The following TANGO6 variants were observed in gnomAD, a reference collection of about 807,000 sequenced individuals.
The protein encoded by TANGO6 is transport and Golgi organization protein 6 homolog.
TANGO6 carries 90 observed loss-of-function variants against 114.2 expected under a neutral mutation model. That is an observed-to-expected ratio of 0.79 (90% CI 0.66 to 0.94). The LOEUF is 0.94. TANGO6 is among the 40% of genes least tolerant of loss of function. The pLI is 0.00. For missense variants in TANGO6, 1,274 were observed against 1,315.3 expected (o/e 0.97, Z 0.49); for synonymous variants, 477 against 509.8 (o/e 0.94, Z 0.87).
chr16:68,919,173 G>A lies in TANGO6; in HGVS notation c.2081G>A (p.Ser694Asn), dbSNP rs768726806. The change falls in exon 12 of 18, where the codon AGC becomes AAC. Residue 694 changes from serine (S) to asparagine (N), a missense_variant. Ser to Asn is a conservative substitution (Grantham distance 46). This residue lies in a region of TANGO6 where 908 missense variants were observed against 910.2 expected (regional missense o/e 1.00). Coordinates refer to ENST00000261778, the MANE Select transcript of TANGO6 (RefSeq NM_024562.2). ...AESTVESQTL[S>N]MSMGLVAVML... ...AGCACCGTGGAATCACAGACGCTGAGCATGTCCATGGGGCTGGTGGCTGTC... is the reference window on the plus strand; with the variant it reads ...AGCACCGTGGAATCACAGACGCTGAACATGTCCATGGGGCTGGTGGCTGTC... The A allele has an allele frequency of 3.1e-6, 5 of 1,612,868 alleles. No homozygotes were observed. The Admixed American group carries it at 6.7e-5, about 22-fold the overall frequency.
chr16:68,980,409 C>CTCTCTCTCTCTCTCTCTATATATA (rs1408626276), intron 15 of TANGO6, among the ~76,000 whole-genome samples: 1 of 68,004 alleles, frequency 1.5e-5, no homozygotes. Context: ...CTCTCTCTCT[C>CTCTCTCTCTCTCTCTCTATATATA]TATATATATA....
intron 15 of TANGO6, among the ~76,000 whole-genome samples, chr16:68,980,409 C>CTCTCTCTCTCTCTCTCTCTATATATA (rs1408626276): frequency 7.4e-5 from 5 of 68,008 alleles, no homozygotes; most frequent in Non-Finnish European, 1.1e-4. Flanking sequence ...CTCTCTCTCT[C>CTCTCTCTCTCTCTCTCTCTATATATA]TATATATATA....
At chr16:68,876,807 C>T (rs925247922) in intron 5 of TANGO6, among the ~76,000 whole-genome samples, 2 of 152,088 alleles carry the variant, frequency 1.3e-5, no homozygotes, top group African/African-American at 2.4e-5. Context: ...GGTGACAGAG[C>T]GAGACTCCAT....
intron 4 of TANGO6, 45 bp downstream of exon 4, chr16:68,867,265 T>G: frequency 6.2e-7 from 1 of 1,611,704 alleles, no homozygotes; most frequent in East Asian, 2.2e-5. Flanking sequence ...TGTTTTCCTT[T>G]GAGTCAGAGT....
chr16:68,968,790 C>T (rs1180275410), intron 14 of TANGO6, among the ~76,000 whole-genome samples: 1 of 151,676 alleles, frequency 6.6e-6, no homozygotes, highest in Non-Finnish European at 1.5e-5. Context: ...CCTGCCTCAG[C>T]CTCCCGAGTA....
chr16:68,843,579 C>T lies in TANGO6; in HGVS notation c.-39C>T, dbSNP rs779927867. On this transcript the variant is annotated 5_prime_UTR_variant, in exon 1 of 18. Coordinates refer to ENST00000261778, the MANE Select transcript of TANGO6 (RefSeq NM_024562.2). Reference sequence around the variant, plus strand: ...TGGCGGCGGCGGCGCCCTGCCGAGGCGCCTGAGCGGGTCGCGAGCGTGGTG... The same window carrying T: ...TGGCGGCGGCGGCGCCCTGCCGAGGTGCCTGAGCGGGTCGCGAGCGTGGTG... 13 of 1,597,662 alleles carry T rather than the reference C, an allele frequency of 8.1e-6. No homozygotes were observed. The South Asian group carries it at 8.9e-5, about 11-fold the overall frequency.
Position 68,867,202 on chromosome 16 carries a change from A to G in TANGO6, c.976A>G (p.Ile326Val). The G allele has an allele frequency of 6.2e-7, 1 of 1,613,864 alleles. No homozygotes were observed. The change falls in exon 4 of 18, where the codon ATT becomes GTT. Residue 326 changes from isoleucine to valine, a missense_variant. By Grantham distance (29) the Ile-to-Val change is conservative (BLOSUM62 3). Around this residue, in one of 5 missense-constraint regions of TANGO6, gnomAD observed 908 missense variants for 910.2 expected, o/e 1.00. Coordinates refer to ENST00000261778, the MANE Select transcript of TANGO6 (RefSeq NM_024562.2). ...PNGVQAVVRG[I>V]LEGAGAGAAG... is the part of the protein sequence containing the mutation. ...TGGTGTTCAGGCAGTAGTCCGGGGC[A>G]TTTTGGAAGGAGCAGGTGGTAAGAA...
At chr16:68,942,015 C>A (rs77976599) in intron 14 of TANGO6, among the ~76,000 whole-genome samples, 1 of 151,922 alleles carries the variant, frequency 6.6e-6, no homozygotes, top group East Asian at 1.9e-4. Context: ...ATTTAACCAG[C>A]GTGATAATCA....
intron 15 of TANGO6, among the ~76,000 whole-genome samples, chr16:68,982,471 A>G (rs974751037): frequency 4.6e-5 from 7 of 151,996 alleles, no homozygotes; most frequent in Admixed American, 3.9e-4. Context: ...CTGGGATTAC[A>G]GGTGCCTGCC....
intron 12 of TANGO6, among the ~76,000 whole-genome samples, chr16:68,922,068 C>G (rs1264666495): frequency 6.6e-6 from 1 of 151,736 alleles, no homozygotes; most frequent in South Asian, 2.1e-4. Context: ...TTTCCTATTT[C>G]TTACTAGGAT....
At chr16:68,933,135 A>G (rs1158491216) in intron 14 of TANGO6, among the ~76,000 whole-genome samples, 1 of 151,864 alleles carries the variant, frequency 6.6e-6, no homozygotes. Context: ...ATATTTAACA[A>G]ACTACTCTGT....
intron 15 of TANGO6, among the ~76,000 whole-genome samples, chr16:69,013,960 C>G (rs1959239230): frequency 6.6e-6 from 1 of 152,066 alleles, no homozygotes; most frequent in African/African-American, 2.4e-5. Flanking sequence ...GCCTGGCCCC[C>G]AAGTTCCTTA....
chr16:68,855,978 G>A (rs1253843952), intron 1 of TANGO6, among the ~76,000 whole-genome samples: 1 of 151,072 alleles, frequency 6.6e-6, no homozygotes, highest in Non-Finnish European at 1.5e-5. Context: ...TTTATTGCTT[G>A]TATTCTGTGA....
intron 15 of TANGO6, among the ~76,000 whole-genome samples, chr16:69,014,136 G>T (rs921935865): frequency 6.6e-6 from 1 of 152,108 alleles, no homozygotes; most frequent in Non-Finnish European, 1.5e-5. Context: ...AACAAAGAAT[G>T]AATTATCACA....
intron 17 of TANGO6, among the ~76,000 whole-genome samples, chr16:69,046,000 G>C (rs1230498609): frequency 7.0e-6 from 1 of 143,580 alleles, no homozygotes; most frequent in Non-Finnish European, 1.5e-5. Flanking sequence ...AGAGGCAGAG[G>C]TTACAGTGAG....
chr16:68,872,106 A>G (rs1962279866), intron 4 of TANGO6, among the ~76,000 whole-genome samples: 1 of 151,262 alleles, frequency 6.6e-6, no homozygotes, highest in African/African-American at 2.4e-5. Flanking sequence ...CTGTAGTCCC[A>G]GCTACTCAGG....
At chr16:68,891,313 A>G (rs979688029) in intron 7 of TANGO6, among the ~76,000 whole-genome samples, 22 of 151,476 alleles carry the variant, frequency 1.5e-4, no homozygotes, top group African/African-American at 5.3e-4. Context: ...AAAAAAAGAA[A>G]TTAGCTGGGC....
chr16:68,928,298 A>ATTTTTTTT (rs10701295), intron 13 of TANGO6, among the ~76,000 whole-genome samples: 18 of 98,588 alleles, frequency 1.8e-4, no homozygotes, highest in East Asian at 3.1e-4. Context: ...CTGAGTGCCA[A>ATTTTTTTT]TTTTTTTTTT....
chr16:68,894,499 G>T (rs1001958093), intron 7 of TANGO6, among the ~76,000 whole-genome samples: 1 of 152,006 alleles, frequency 6.6e-6, no homozygotes, highest in South Asian at 2.1e-4. Flanking sequence ...TACAGAAGCC[G>T]CTGTCCATGG....
Sources: allele counts gnomAD v4.1 joint callset (sites outside exome capture counted in the v4.1 genomes callset), GRCh38; gene constraint gnomAD v4.1.1; regional missense constraint gnomAD v4.1.1; transcripts MANE v1.5; gene names NCBI Gene and HGNC (gene_info 2026-07-23, HGNC 2026-07-21).